MACROD2: variants seen among roughly 807,000 people sequenced by gnomAD.
MACROD2 encodes mono-ADP ribosylhydrolase 2.
Under a neutral mutation model 70.4 loss-of-function variants are expected in MACROD2, and 36 were observed. The observed-to-expected ratio is 0.51, with a 90% confidence interval of 0.39 to 0.68. The LOEUF (loss-of-function observed/expected upper bound fraction) is 0.68, where lower values mean the gene tolerates loss of function less well. MACROD2 is among the 30% of genes least tolerant of loss of function. The probability of loss-of-function intolerance (pLI) is 0.00; values close to 1 mark genes in which losing one functional copy is unlikely to be tolerated. For missense variants in MACROD2, 496 were observed against 538.4 expected (o/e 0.92, Z 0.78); for synonymous variants, 172 against 178.8 (o/e 0.96, Z 0.30).
intron 5 of MACROD2, among the ~76,000 whole-genome samples, chr20:15,143,974 A>AAC (rs1568599086): frequency 2.7e-5 from 4 of 146,340 alleles, no homozygotes; most frequent in Admixed American, 6.8e-5. Flanking sequence ...AAAAAAAAAA[A>AAC]ACCTCATAAT....
intron 8 of MACROD2, among the ~76,000 whole-genome samples, chr20:15,822,660 C>G (rs142683697): frequency 5.3e-4 from 80 of 152,154 alleles, no homozygotes; most frequent in African/African-American, 1.8e-3. Context: ...CTAAATTGAT[C>G]CACATTTGCT....
intron 6 of MACROD2, among the ~76,000 whole-genome samples, chr20:15,362,185 T>C (rs2078360420): frequency 2.0e-5 from 3 of 152,042 alleles, no homozygotes; most frequent in Admixed American, 1.3e-4. Context: ...TGAGTTTTTA[T>C]ATTTTTAGTA....
At chr20:15,209,521 A>G (rs2076742527) in intron 5 of MACROD2, among the ~76,000 whole-genome samples, 1 of 152,212 alleles carries the variant, frequency 6.6e-6, no homozygotes, top group African/African-American at 2.4e-5. Flanking sequence ...GGATCATCTT[A>G]TTCTCTTTGT....
chr20:15,014,582 T>G (rs1295403969), intron 5 of MACROD2, among the ~76,000 whole-genome samples: 2 of 152,196 alleles, frequency 1.3e-5, no homozygotes, highest in Non-Finnish European at 2.9e-5. Context: ...CTTAAAATCA[T>G]GACAGTGGCC....
intron 5 of MACROD2, among the ~76,000 whole-genome samples, chr20:14,913,841 T>C (rs2074057907): frequency 6.6e-6 from 1 of 152,178 alleles, no homozygotes; most frequent in African/African-American, 2.4e-5. Context: ...TCTTATCATA[T>C]TCACCCTGAT....
chr20:15,188,703 T>G (rs986463448), intron 5 of MACROD2, among the ~76,000 whole-genome samples: 5 of 152,194 alleles, frequency 3.3e-5, no homozygotes, highest in African/African-American at 1.2e-4. Context: ...CTTAAATGAG[T>G]TGTCATTTAT....
chr20:14,565,855 G>A (rs527836281), intron 4 of MACROD2, among the ~76,000 whole-genome samples: 19 of 151,818 alleles, frequency 1.3e-4, no homozygotes, highest in Non-Finnish European at 2.1e-4. Context: ...CCACATATCC[G>A]GCTCAACAGA....
At chr20:14,603,709 T>A (rs1440629104) in intron 4 of MACROD2, among the ~76,000 whole-genome samples, 1 of 152,196 alleles carries the variant, frequency 6.6e-6, no homozygotes, top group Non-Finnish European at 1.5e-5. Context: ...AGGCATTATT[T>A]CTTTTGATGC....
chr20:14,349,076 T>C (rs1292239845), intron 3 of MACROD2, among the ~76,000 whole-genome samples: 5 of 151,504 alleles, frequency 3.3e-5, no homozygotes, highest in Admixed American at 1.3e-4. Flanking sequence ...TCTAAATAAA[T>C]AAACAAACAA....
At chr20:15,096,755 G>T (rs557130015) in intron 5 of MACROD2, among the ~76,000 whole-genome samples, 2 of 149,962 alleles carry the variant, frequency 1.3e-5, no homozygotes, top group South Asian at 2.1e-4. Flanking sequence ...CAAGTAATCC[G>T]CCTGCCTCGG....
chr20:15,061,336 T>G (rs899630903), intron 5 of MACROD2, among the ~76,000 whole-genome samples: 7 of 152,200 alleles, frequency 4.6e-5, no homozygotes, highest in African/African-American at 1.7e-4. Flanking sequence ...ACAGAAATGC[T>G]GGAGTGTTCA....
intron 3 of MACROD2, among the ~76,000 whole-genome samples, chr20:14,283,621 AAAT>A (rs1555777025): frequency 6.6e-6 from 1 of 152,170 alleles, no homozygotes; most frequent in Non-Finnish European, 1.5e-5. Context: ...CATGAAATAA[AAAT>A]TTGTTTTTTA....
At chr20:14,355,823 T>C (rs1354721850) in intron 3 of MACROD2, among the ~76,000 whole-genome samples, 4 of 152,246 alleles carry the variant, frequency 2.6e-5, no homozygotes, top group Non-Finnish European at 2.9e-5. Flanking sequence ...CTGGTAGAGA[T>C]TGGCTATTTT....
chr20:14,089,599 G>T (rs190981738), intron 3 of MACROD2, among the ~76,000 whole-genome samples: 5 of 152,204 alleles, frequency 3.3e-5, no homozygotes, highest in Admixed American at 3.3e-4. Flanking sequence ...GACTTCTTGT[G>T]TATTATATTC....
At chr20:14,865,458 T>C (rs911780906) in intron 5 of MACROD2, among the ~76,000 whole-genome samples, 1 of 152,026 alleles carries the variant, frequency 6.6e-6, no homozygotes, top group African/African-American at 2.4e-5. Flanking sequence ...AAGTTACTCA[T>C]TGGTTTGTGT....
chr20:15,280,550 T>G (rs1383576132), intron 6 of MACROD2, among the ~76,000 whole-genome samples: 2 of 152,156 alleles, frequency 1.3e-5, no homozygotes, highest in African/African-American at 2.4e-5. Context: ...TTATGGACAT[T>G]GGTGTGTCTT....
chr20:14,731,658 TC>T (rs935958165), intron 5 of MACROD2, among the ~76,000 whole-genome samples: 13 of 152,122 alleles, frequency 8.5e-5, no homozygotes, highest in African/African-American at 3.1e-4. Context: ...CCTCTGGAGG[TC>T]CCCCGGGCCC....
chr20:14,875,281 T>A (rs2073537525), intron 5 of MACROD2, among the ~76,000 whole-genome samples: 1 of 151,896 alleles, frequency 6.6e-6, no homozygotes, highest in Non-Finnish European at 1.5e-5. Flanking sequence ...CTTGGGAGGC[T>A]GTGGCAGGAG....
rs369808720 is a variant in MACROD2 at position 15,128,442 on chromosome 20, A to T, written c.419-101498A>T. Among the ~76,000 whole-genome samples, 84 of 152,204 alleles carry T rather than the reference A, an allele frequency of 5.5e-4. 1 individual carries two copies. The South Asian group carries it at 0.017, about 30-fold the overall frequency. ...GAAAGATTAAATTATGTTTTATTGT[A>T]TGAGTTCTTTAGTATTTTCCCTGGA... On this transcript the variant is annotated intron_variant, in intron 5 of 17. Transcript: ENST00000684519.
Sources: allele counts gnomAD v4.1 joint callset (sites outside exome capture counted in the v4.1 genomes callset), GRCh38; gene constraint gnomAD v4.1.1; transcripts MANE v1.5; gene names NCBI Gene and HGNC (gene_info 2026-07-23, HGNC 2026-07-21).